Variants in SNX1 observed in about 807,000 individuals in gnomAD.
SNX1 encodes sorting nexin 1.
In SNX1, 36 loss-of-function variants were observed where a neutral mutation model predicts 71.8. The observed-to-expected ratio is 0.50, with a 90% CI of 0.38 to 0.66. The LOEUF (loss-of-function observed/expected upper bound fraction) is 0.66, where lower values mean the gene tolerates loss of function less well. Among genes scored for constraint, SNX1 ranks in the 30% least tolerant of loss-of-function variants. SNX1 has a pLI of 0.00. For missense variants in SNX1, 612 were observed against 646.7 expected (o/e 0.95, Z 0.58); for synonymous variants, 254 against 240.7 (o/e 1.06, Z -0.51).
At position 64,112,649 on chromosome 15, in the gene SNX1, A is replaced by G; in HGVS notation, c.236A>G (p.Glu79Gly). ...NNGSKENGIH[E>G]EQDQEPQDLF... ...GGCTCCAAAGAAAATGGGATCCATG[A>G]AGAACAAGACCAAGAGCCACAGGAT... Residue 79 changes from glutamate to glycine, a missense_variant, in exon 2 of 15, where the codon GAA becomes GGA. Glu to Gly is a moderately conservative substitution (Grantham distance 98, BLOSUM62 -2). Around this residue, in one of 2 missense-constraint regions of SNX1, gnomAD observed 316 missense variants for 284.9 expected, o/e 1.11. Transcript: ENST00000559844. The G allele has an allele frequency of 6.2e-7, 1 of 1,613,706 alleles. No individual in the cohort carries two copies.
intron 4 of SNX1, among the ~76,000 whole-genome samples, chr15:64,122,782 G>A (rs1386665102): frequency 6.6e-6 from 1 of 152,100 alleles, no homozygotes; most frequent in African/African-American, 2.4e-5. Flanking sequence ...GATATCAATG[G>A]CATCTTTATC....
chr15:64,133,894 C>T (rs2081332060), intron 11 of SNX1, among the ~76,000 whole-genome samples: 1 of 152,170 alleles, frequency 6.6e-6, no homozygotes, highest in Non-Finnish European at 1.5e-5. Context: ...CAGCTTCCTT[C>T]CCTGGAAATG....
intron 10 of SNX1, among the ~76,000 whole-genome samples, chr15:64,130,567 A>C (rs1264254095): frequency 6.6e-6 from 1 of 152,226 alleles, no homozygotes; most frequent in African/African-American, 2.4e-5. Context: ...CAGATACAGC[A>C]TGACCTGGGA....
intron 6 of SNX1, among the ~76,000 whole-genome samples, chr15:64,126,752 G>C (rs1189545423): frequency 1.3e-5 from 2 of 152,046 alleles, no homozygotes; most frequent in East Asian, 3.9e-4. Flanking sequence ...GCTAATTTTT[G>C]TATTTTTAGT....
intron 4 of SNX1, among the ~76,000 whole-genome samples, chr15:64,119,361 A>G (rs1164707903): frequency 6.6e-6 from 1 of 151,836 alleles, no homozygotes; most frequent in Non-Finnish European, 1.5e-5. Flanking sequence ...GCCTCAAGTG[A>G]TCCTCCTGCC....
chr15:64,107,316 A>G (rs1414311802), intron 1 of SNX1, among the ~76,000 whole-genome samples: 2 of 152,208 alleles, frequency 1.3e-5, no homozygotes, highest in African/African-American at 4.8e-5. Context: ...ACTGTAATGT[A>G]AGGGTTCTGT....
intron 1 of SNX1, among the ~76,000 whole-genome samples, chr15:64,106,450 G>A (rs1481119261): frequency 2.6e-5 from 4 of 152,198 alleles, no homozygotes; most frequent in Non-Finnish European, 5.9e-5. Flanking sequence ...GTTTTGAAAC[G>A]TGGTGGGAGA....
chr15:64,135,002 T>C, intron 12 of SNX1, 195 bp downstream of exon 12: 2 of 651,980 alleles, frequency 3.1e-6, no homozygotes, highest in Admixed American at 6.2e-5. Flanking sequence ...CTTTTTCTAC[T>C]CTACGCAGAC....
chr15:64,119,415 C>A (rs1372816593), intron 4 of SNX1, among the ~76,000 whole-genome samples: 1 of 152,170 alleles, frequency 6.6e-6, no homozygotes, highest in African/African-American at 2.4e-5. Context: ...AGCCACCGCA[C>A]CCAGCTAGAG....
At chr15:64,096,354 G>T (rs577950713) in intron 1 of SNX1, among the ~76,000 whole-genome samples, 182 bp downstream of exon 1, 8 of 152,190 alleles carry the variant, frequency 5.3e-5, no homozygotes, top group African/African-American at 1.9e-4. Context: ...CCGGCCCCCA[G>T]GCGGGAAGAG....
At position 64,106,619 on chromosome 15, in the gene SNX1, A is replaced by G. The variant is rs550660705; in HGVS notation, c.160-5954A>G. ...ATTGCTAATCAGCTGACCTTAAGAT[A>G]TGGAAGTTATCCTGGATTATCTGGC... On this transcript the variant is annotated intron_variant, in intron 1 of 14. Coordinates refer to ENST00000559844, the MANE Select transcript of SNX1 (RefSeq NM_003099.5). 2.0e-5 allele frequency among the ~76,000 whole-genome samples: 3 copies of G among 152,352 alleles called. No individual in the cohort carries two copies. In the East Asian group the frequency reaches 5.8e-4, roughly 29 times the overall value.
At chr15:64,100,458 G>A (rs1262609492) in intron 1 of SNX1, among the ~76,000 whole-genome samples, 2 of 151,882 alleles carry the variant, frequency 1.3e-5, no homozygotes, top group Non-Finnish European at 2.9e-5. Context: ...AAATTAGCCG[G>A]GCGTGGTGGC....
At position 64,118,662 on chromosome 15, in the gene SNX1, T is replaced by A. The variant is rs898946472; in HGVS notation, c.400-126T>A. 4.4e-6 allele frequency: 3 copies of A among 676,018 alleles called. No individual in the cohort carries two copies. The African/African-American group carries it at 5.6e-5, about 13-fold the overall frequency. 41.9% of individuals were successfully genotyped at this position (676,018 alleles called of 1,614,324 possible). ...GTTGGTACATTGGGATTGTTGGGAA[T>A]GGACAAAAGCTGAACACTGAAGGAT... On this transcript the variant is annotated intron_variant, in intron 3 of 14. Coordinates refer to ENST00000559844, the MANE Select transcript of SNX1 (RefSeq NM_003099.5).
At chr15:64,130,458 A>T in intron 10 of SNX1, 137 bp downstream of exon 10, 3 of 707,730 alleles carry the variant, frequency 4.2e-6, no homozygotes, top group South Asian at 3.4e-5. Context: ...TGATGTTCTG[A>T]TAAAAAAAAG....
intron 14 of SNX1, 48 bp from the exon 15 acceptor site, chr15:64,137,520 T>G (rs1454058716): frequency 6.2e-7 from 1 of 1,611,262 alleles, no homozygotes; most frequent in African/African-American, 1.3e-5. Flanking sequence ...TGGCTTAGGC[T>G]CTGCCACTAG....
chr15:64,121,497 A>G (rs182280265), intron 4 of SNX1, among the ~76,000 whole-genome samples: 27 of 152,306 alleles, frequency 1.8e-4, no homozygotes, highest in Admixed American at 1.6e-3. Context: ...CTCTGTGTGC[A>G]CATTCCCTCT....
At chr15:64,136,487 T>C (rs2081361519) in intron 13 of SNX1, 77 bp downstream of exon 13, 3 of 1,292,422 alleles carry the variant, frequency 2.3e-6, no homozygotes, top group African/African-American at 1.5e-5. Context: ...TCCAACTCTG[T>C]TGGGTAAAGA....
At chr15:64,108,748 G>A (rs906337739) in intron 1 of SNX1, among the ~76,000 whole-genome samples, 1 of 152,134 alleles carries the variant, frequency 6.6e-6, no homozygotes, top group African/African-American at 2.4e-5. Flanking sequence ...AGCACTTTGG[G>A]AGGCTGAGGT....
intron 1 of SNX1, among the ~76,000 whole-genome samples, chr15:64,098,191 A>G (rs2080922784): frequency 6.6e-6 from 1 of 152,160 alleles, no homozygotes; most frequent in African/African-American, 2.4e-5. Context: ...GTCCTTCTGT[A>G]TGTTATTTTA....
Sources: allele counts gnomAD v4.1 joint callset (sites outside exome capture counted in the v4.1 genomes callset), GRCh38; gene constraint gnomAD v4.1.1; regional missense constraint gnomAD v4.1.1; transcripts MANE v1.5; gene names NCBI Gene and HGNC (gene_info 2026-07-23, HGNC 2026-07-21).